CALN1: variants seen among roughly 807,000 people sequenced by gnomAD.
CALN1 encodes calneuron 1.
In CALN1, 17 loss-of-function variants were observed where a neutral mutation model predicts 30.6. That is an observed-to-expected ratio of 0.56 (90% CI 0.38 to 0.83). The LOEUF is 0.83. Among genes scored for constraint, CALN1 ranks in the 40% least tolerant of loss-of-function variants. The pLI, the probability that CALN1 is intolerant of heterozygous loss-of-function variation, is 0.00. For missense variants in CALN1, 291 were observed against 354.9 expected, an observed-to-expected ratio of 0.82 and a Z score of 1.45; for synonymous variants, 156 against 131.4, an observed-to-expected ratio of 1.19 and a Z score of -1.28.
the CALN1 span, among the ~76,000 whole-genome samples, chr7:72,460,440 T>C: frequency 6.6e-6 from 1 of 152,112 alleles, no homozygotes; most frequent in African/African-American, 2.4e-5. Context: ...GAGACCAGCC[T>C]GGCCAACCTG....
chr7:71,852,187 T>C (rs531266502), intron 5 of CALN1, among the ~76,000 whole-genome samples: 2 of 152,314 alleles, frequency 1.3e-5, no homozygotes, highest in African/African-American at 4.8e-5. Context: ...CTCTGGTTGA[T>C]TGACATTTGG....
intron 3 of CALN1, among the ~76,000 whole-genome samples, chr7:72,210,879 G>A (rs148834988): frequency 7.7e-4 from 117 of 151,548 alleles, no homozygotes; most frequent in African/African-American, 2.5e-3. Flanking sequence ...GATGAGCCCC[G>A]GTCTCCAGAA....
chr7:72,414,673 C>A (rs933459762), upstream of CALN1, among the ~76,000 whole-genome samples: 1 of 152,236 alleles, frequency 6.6e-6, no homozygotes, highest in African/African-American at 2.4e-5. Context: ...GACTGAGAAG[C>A]AGTATCTGTA....
intron 5 of CALN1, among the ~76,000 whole-genome samples, chr7:72,023,181 A>T (rs967923778): frequency 7.2e-5 from 11 of 152,196 alleles, no homozygotes; most frequent in African/African-American, 2.7e-4. Context: ...ATTTCCTAAG[A>T]GATTTTACAA....
intron 2 of CALN1, among the ~76,000 whole-genome samples, chr7:72,395,385 G>T (rs533477320): frequency 2.0e-5 from 3 of 148,110 alleles, no homozygotes; most frequent in Non-Finnish European, 4.5e-5. Flanking sequence ...ACATATCCAG[G>T]GTTCCAGGCT....
rs999236363 is a variant in CALN1 at position 71,787,015 on chromosome 7, A to C, written c.*760T>G. 1 of 152,608 alleles carries C rather than the reference A, an allele frequency of 6.6e-6. No individual in the cohort carries two copies. The highest frequency in any genetic ancestry group is 1.5e-5 in the Non-Finnish European group (1 of 68,064). The allele number at this position is 152,608 out of a possible 1,614,324, so 9.5% of individuals were successfully genotyped here. A position where few individuals can be genotyped will look rare whatever the true frequency, so the allele number is the denominator to read the frequency against. ...CACGATTATGCTTCTTTTTTTCTCT[A>C]ATGGCAGCACAGGCGGCAAAGCTGG... is the stretch of plus-strand genomic sequence containing the variant. On this transcript the variant is annotated 3_prime_UTR_variant, in exon 7 of 7. Transcript: ENST00000395275.
At chr7:72,190,031 G>A (rs556185989) in intron 3 of CALN1, among the ~76,000 whole-genome samples, 2 of 152,244 alleles carry the variant, frequency 1.3e-5, no homozygotes, top group Admixed American at 1.3e-4. Context: ...TCCAACTTGA[G>A]AAGTAAAATG....
At chr7:72,177,474 G>A (rs994664285) in intron 3 of CALN1, among the ~76,000 whole-genome samples, 2 of 151,994 alleles carry the variant, frequency 1.3e-5, no homozygotes, top group African/African-American at 2.4e-5. Context: ...TATTACAATA[G>A]GACATTTGGG....
intron 2 of CALN1, among the ~76,000 whole-genome samples, chr7:72,375,378 C>T (rs1359807966): frequency 6.6e-6 from 1 of 151,596 alleles, no homozygotes; most frequent in Admixed American, 6.6e-5. Flanking sequence ...GCCTGGGCAA[C>T]ATAGTAAGAC....
intron 2 of CALN1, among the ~76,000 whole-genome samples, chr7:72,358,715 C>A (rs1015314914): frequency 1.3e-5 from 2 of 152,002 alleles, no homozygotes; most frequent in African/African-American, 4.8e-5. Context: ...CTTTGGGAGG[C>A]GGAGGCAAGC....
intron 1 of CALN1, among the ~76,000 whole-genome samples, chr7:72,405,355 C>T (rs1308678010): frequency 6.6e-6 from 1 of 152,202 alleles, no homozygotes; most frequent in East Asian, 1.9e-4. Flanking sequence ...CACTCATAGC[C>T]TAGGGATGAT....
At chr7:72,091,251 G>C (rs1195192993) in intron 4 of CALN1, among the ~76,000 whole-genome samples, 1 of 152,166 alleles carries the variant, frequency 6.6e-6, no homozygotes, top group African/African-American at 2.4e-5. Flanking sequence ...AGAATCGCTG[G>C]AACTGGTAGG....
At chr7:72,322,475 G>C (rs968016503) in intron 2 of CALN1, among the ~76,000 whole-genome samples, 3 of 152,112 alleles carry the variant, frequency 2.0e-5, no homozygotes, top group African/African-American at 4.8e-5. Flanking sequence ...GTTTAGACTA[G>C]ATAATTCCTA....
chr7:72,201,271 A>AC (rs562068979), intron 3 of CALN1, among the ~76,000 whole-genome samples: 35 of 152,284 alleles, frequency 2.3e-4, no homozygotes, highest in Admixed American at 1.6e-3. Flanking sequence ...ACTGGAGACT[A>AC]CTGGAGGGGT....
chr7:72,395,101 A>ACCT (rs1805832709), intron 2 of CALN1, among the ~76,000 whole-genome samples: 2 of 151,916 alleles, frequency 1.3e-5, no homozygotes, highest in African/African-American at 4.8e-5. Flanking sequence ...GTACTAACCT[A>ACCT]CCTCCCCAAG....
At chr7:71,882,522 C>A (rs1792633791) in intron 5 of CALN1, among the ~76,000 whole-genome samples, 1 of 152,188 alleles carries the variant, frequency 6.6e-6, no homozygotes, top group Non-Finnish European at 1.5e-5. Context: ...TCTCTGAATA[C>A]CTGCGTTAGC....
chr7:72,333,661 A>G (rs989730905), intron 2 of CALN1, among the ~76,000 whole-genome samples: 5 of 150,408 alleles, frequency 3.3e-5, no homozygotes, highest in African/African-American at 9.8e-5. Flanking sequence ...GTGAACCTAT[A>G]CCAACATGGG....
chr7:71,952,065 T>C (rs1207348293), intron 5 of CALN1, among the ~76,000 whole-genome samples: 3 of 152,186 alleles, frequency 2.0e-5, no homozygotes, highest in African/African-American at 7.2e-5. Flanking sequence ...GTGAGTCTGC[T>C]TTCTGGGACA....
At chr7:72,012,226 A>C (rs1055148909) in intron 5 of CALN1, among the ~76,000 whole-genome samples, 4 of 152,154 alleles carry the variant, frequency 2.6e-5, no homozygotes, top group African/African-American at 9.7e-5. Context: ...TTTTAAAATT[A>C]CTTTTAATCG....
Sources: gnomAD v4.1 joint callset for allele counts (sites outside exome capture counted in the v4.1 genomes callset) on GRCh38, gnomAD v4.1.1 for gene constraint, MANE v1.5 for transcripts, NCBI Gene and HGNC (gene_info 2026-07-23, HGNC 2026-07-21) for gene names.